The following PCDHGA1 variants were observed in gnomAD, a reference collection of about 807,000 sequenced individuals.
The protein encoded by PCDHGA1 is protocadherin gamma subfamily A, 1.
A neutral mutation model predicts 58.0 loss-of-function variants in PCDHGA1; 32 were observed. The observed-to-expected ratio is 0.55, with a 90% CI of 0.42 to 0.74. PCDHGA1 has a LOEUF of 0.74. Ranked by LOEUF, PCDHGA1 falls within the 30% of genes least tolerant of loss-of-function variation. PCDHGA1 has a pLI of 0.00. For missense variants in PCDHGA1, 1,205 were observed against 1,182.3 expected (o/e 1.02, Z -0.28); for synonymous variants, 498 against 501.1 (o/e 0.99, Z 0.08).
At chr5:141,362,677 G>A in intron 1 of PCDHGA1, 2 of 1,225,610 alleles carry the variant, frequency 1.6e-6, no homozygotes, top group Non-Finnish European at 1.1e-6. Flanking sequence ...TGCCTTAATT[G>A]TCTTAATCTT....
In PCDHGA1 at chr5:141,404,317, C is replaced by T. The variant is rs375857083; in HGVS notation, c.2421+71212C>T. On this transcript the variant is annotated intron_variant, in intron 1 of 3. Transcript: ENST00000517417. ...ATAATCCACCTGCTTTCTCTCAAGC[C>T]TCCTACTCAGTCTACCTCCCGGAAA... 6.2e-6 allele frequency: 10 copies of T among 1,613,780 alleles called. No homozygotes were observed. In the African/African-American group the frequency reaches 1.2e-4, roughly 19 times the overall value.
In PCDHGA1 at chr5:141,331,201, A is replaced by C. The variant is rs1254627861; in HGVS notation, c.517A>C (p.Ser173Arg). The change falls in exon 1 of 4, where the codon AGC becomes CGC. Residue 173 changes from serine (S) to arginine (R), a missense_variant. By Grantham distance (110) the Ser-to-Arg change is moderately radical. Transcript: ENST00000517417. The stretch of plus-strand genomic sequence containing the variant: ...GAACTCACTCCAGAGCTACCAACTC[A>C]GCTCTAACCCTCATTTCTCCCTGGA... ...GMNSLQSYQL[S>R]SNPHFSLDVQ... 54 of 1,614,054 alleles carry C rather than the reference A, an allele frequency of 3.3e-5. No individual in the cohort carries two copies. Among genetic ancestry groups the C allele is most frequent in the Non-Finnish European group, 4.2e-5 (50 of 1,180,054 alleles).
At chr5:141,400,032 C>T (rs770927016) in intron 1 of PCDHGA1, 1 of 1,613,282 alleles carries the variant, frequency 6.2e-7, no homozygotes, top group Admixed American at 1.7e-5. Flanking sequence ...ACGCGGCCCG[C>T]CAGCGCCTGC....
intron 1 of PCDHGA1, chr5:141,355,812 A>G (rs777935984): frequency 1.2e-6 from 2 of 1,613,288 alleles, no homozygotes; most frequent in South Asian, 2.2e-5. Context: ...ATCGCGAGGA[A>G]GAGGCGGTTC....
intron 1 of PCDHGA1, among the ~76,000 whole-genome samples, chr5:141,461,248 C>A (rs1209563726): frequency 6.6e-6 from 1 of 152,038 alleles, no homozygotes; most frequent in Non-Finnish European, 1.5e-5. Context: ...AATTTATATT[C>A]CCAGCAGCAA....
chr5:141,415,427 G>C, intron 1 of PCDHGA1: 3 of 1,614,188 alleles, frequency 1.9e-6, no homozygotes, highest in Non-Finnish European at 2.5e-6. Flanking sequence ...GACGGGGTTC[G>C]GGCTTTCCTG....
In PCDHGA1 at chr5:141,487,161, T is replaced by C; in HGVS notation, c.2422-7646T>C. Reference sequence around the variant, plus strand: ...CTCTCTACCTCTGTTACTCTCTTAGTGTCCTTAGAGGAAGACACTCATCCA... The same window carrying C: ...CTCTCTACCTCTGTTACTCTCTTAGCGTCCTTAGAGGAAGACACTCATCCA... On this transcript the variant is annotated intron_variant, in intron 1 of 3. Coordinates refer to ENST00000517417, the MANE Select transcript of PCDHGA1 (RefSeq NM_018912.3). This position sits in a 1 kb window ranked among gnomAD's most constrained non-coding sequence, Gnocchi z 5.0. 6.2e-7 allele frequency: 1 copy of C among 1,613,528 alleles called. No homozygotes were observed.
intron 1 of PCDHGA1, among the ~76,000 whole-genome samples, chr5:141,336,285 G>T (rs72790004): frequency 0.033 from 5,069 of 152,226 alleles, 112 homozygotes; most frequent in East Asian, 0.072. Context: ...GTAGGCTGAG[G>T]CAGTAGGATT....
Position 141,477,856 on chromosome 5 carries a change from G to T in PCDHGA1, c.2422-16951G>T, listed in dbSNP as rs773703641. ...CAGGTGGGAGCTCGGTGGAGATGCTGCCTCGAGGTACCTCAGCTGGCCACC... is the reference window on the plus strand; with the variant it reads ...CAGGTGGGAGCTCGGTGGAGATGCTTCCTCGAGGTACCTCAGCTGGCCACC... On this transcript the variant is annotated intron_variant, in intron 1 of 3. Coordinates refer to ENST00000517417, the MANE Select transcript of PCDHGA1 (RefSeq NM_018912.3). This position sits in a 1 kb window ranked among gnomAD's most constrained non-coding sequence, Gnocchi z 4.9. 1 of 1,613,474 alleles carries T rather than the reference G, an allele frequency of 6.2e-7. No homozygotes were observed. Among genetic ancestry groups the T allele is most frequent in the Non-Finnish European group, 8.5e-7 (1 of 1,179,854 alleles).
Position 141,399,953 on chromosome 5 carries a change from A to G in PCDHGA1, c.2421+66848A>G, listed in dbSNP as rs1257117587. ...TCCTACCACGTGCTGCAGGCTAGCGAGCCCGGGCTCTTCAGCCTGGGGCTG... is the reference window on the plus strand; with the variant it reads ...TCCTACCACGTGCTGCAGGCTAGCGGGCCCGGGCTCTTCAGCCTGGGGCTG... On this transcript the variant is annotated intron_variant, in intron 1 of 3. Coordinates refer to ENST00000517417, the MANE Select transcript of PCDHGA1 (RefSeq NM_018912.3). The G allele has an allele frequency of 2.5e-5, 40 of 1,612,030 alleles. 1 individual carries two copies. Among genetic ancestry groups the G allele is most frequent in the Non-Finnish European group, 3.4e-5 (40 of 1,179,690 alleles).
At chr5:141,395,508 A>G (rs1313015738) in intron 1 of PCDHGA1, 3 of 461,062 alleles carry the variant, frequency 6.5e-6, no homozygotes, top group Non-Finnish European at 1.1e-5. Flanking sequence ...CTTAAGAAGT[A>G]GCTACCCGTC....
At chr5:141,374,459 A>T (rs764751595) in intron 1 of PCDHGA1, 1 of 1,613,448 alleles carries the variant, frequency 6.2e-7, no homozygotes, top group South Asian at 1.1e-5. Context: ...AATAGTGGAC[A>T]TTAATGACAA....
chr5:141,361,098 A>T (rs1345076438), intron 1 of PCDHGA1: 1 of 1,614,016 alleles, frequency 6.2e-7, no homozygotes, highest in Non-Finnish European at 8.5e-7. Flanking sequence ...GTATCGAAGC[A>T]AAAGATCCTG....
intron 1 of PCDHGA1, among the ~76,000 whole-genome samples, chr5:141,468,000 C>G (rs1429450909): frequency 6.6e-6 from 1 of 152,028 alleles, no homozygotes; most frequent in East Asian, 1.9e-4. Flanking sequence ...ATTCTTTCTT[C>G]CTCTGTTATA....
chr5:141,376,032 G>T (rs751769680), intron 1 of PCDHGA1: 3 of 1,613,116 alleles, frequency 1.9e-6, no homozygotes, highest in East Asian at 4.5e-5. Context: ...CAGGACCACG[G>T]CCAGCCCCCT....
In PCDHGA1 at chr5:141,404,090, G is replaced by T. The variant is rs1014506897; in HGVS notation, c.2421+70985G>T. On this transcript the variant is annotated intron_variant, in intron 1 of 3. Transcript: ENST00000517417. ...TCATGACCGAGACTCCGGGAAGAATGGTCAAGTTGTCTGTTCTATCCAGGA... is the reference window on the plus strand; with the variant it reads ...TCATGACCGAGACTCCGGGAAGAATTGTCAAGTTGTCTGTTCTATCCAGGA... 4 of 1,613,262 alleles carry T rather than the reference G, an allele frequency of 2.5e-6. No homozygotes were observed. In the Admixed American group the frequency reaches 6.7e-5, roughly 27 times the overall value.
intron 1 of PCDHGA1, chr5:141,385,279 T>C (rs1781077881): frequency 1.2e-6 from 2 of 1,613,486 alleles, no homozygotes; most frequent in African/African-American, 2.7e-5. Flanking sequence ...TTTGCTAACA[T>C]CCGTAGATTT....
Position 141,453,292 on chromosome 5 carries a change from T to A in PCDHGA1, c.2422-41515T>A, listed in dbSNP as rs141563552. The stretch of plus-strand genomic sequence containing the variant: ...CCATGACTGGCTAATTTTTTAATTA[T>A]TTATTTATTTATTTATTTATTTTAG... On this transcript the variant is annotated intron_variant, in intron 1 of 3. Transcript: ENST00000517417. Among the ~76,000 whole-genome samples, 253 of 151,810 alleles carry A rather than the reference T, an allele frequency of 1.7e-3. 1 individual carries two copies. The highest frequency in any genetic ancestry group is 2.6e-3 in the Non-Finnish European group (178 of 67,938).
Position 141,489,730 on chromosome 5 carries a change from A to G in PCDHGA1, c.2422-5077A>G. The stretch of plus-strand genomic sequence containing the variant: ...CAGTGCCCAGGATCCGGATGTGGGC[A>G]CCAATACTGTGAGCTTTTACACTCT... On this transcript the variant is annotated intron_variant, in intron 1 of 3. Coordinates refer to ENST00000517417, the MANE Select transcript of PCDHGA1 (RefSeq NM_018912.3). This position sits in a 1 kb window ranked among gnomAD's most constrained non-coding sequence, Gnocchi z 4.5. 6.2e-7 allele frequency: 1 copy of G among 1,614,182 alleles called. No homozygotes were observed. Among genetic ancestry groups the G allele is most frequent in the Non-Finnish European group, 8.5e-7 (1 of 1,180,020 alleles).
Sources: allele counts gnomAD v4.1 joint callset (sites outside exome capture counted in the v4.1 genomes callset), GRCh38; gene constraint gnomAD v4.1.1; non-coding constraint Gnocchi (gnomAD v3.1); transcripts MANE v1.5; gene names NCBI Gene and HGNC (gene_info 2026-07-23, HGNC 2026-07-21).